C12orf56: variants seen among roughly 807,000 people sequenced by gnomAD.
C12orf56 encodes the protein uncharacterized protein C12orf56.
C12orf56 carries 71 observed loss-of-function variants against 69.9 expected under a neutral mutation model. The ratio of observed to expected loss-of-function variants is 1.02; its 90% CI spans 0.84 to 1.24. The LOEUF is 1.24. Ranked by LOEUF, C12orf56 falls within the 50% of genes most tolerant of loss-of-function variation. The pLI is 0.00. For synonymous variants in C12orf56, 276 were observed against 274.1 expected (o/e 1.01, Z -0.07); for missense variants, 732 against 738.5 (o/e 0.99, Z 0.10).
chr12:64,324,944 A>G (rs1040125253), intron 3 of C12orf56, among the ~76,000 whole-genome samples: 2 of 152,138 alleles, frequency 1.3e-5, no homozygotes, highest in African/African-American at 2.4e-5. Context: ...TAGGCCAGCA[A>G]TTCTCAAACC....
chr12:64,380,207 C>T (rs530643917), intron 1 of C12orf56, among the ~76,000 whole-genome samples: 8 of 148,828 alleles, frequency 5.4e-5, no homozygotes, highest in Non-Finnish European at 8.9e-5. Context: ...CACAAAGAAG[C>T]GTGTAGAGAG....
chr12:64,367,005 TTA>T (rs1322025956), intron 1 of C12orf56, among the ~76,000 whole-genome samples: 1 of 71,660 alleles, frequency 1.4e-5, no homozygotes, highest in Admixed American at 2.6e-4. Flanking sequence ...ACTTTATATA[TTA>T]TATATAACAT....
chr12:64,359,958 G>T (rs557474966), intron 1 of C12orf56, among the ~76,000 whole-genome samples: 2 of 151,760 alleles, frequency 1.3e-5, no homozygotes, highest in African/African-American at 2.4e-5. Context: ...TAAGTGATCC[G>T]CCCACCTTGG....
intron 5 of C12orf56, among the ~76,000 whole-genome samples, chr12:64,306,661 T>C (rs942634139): frequency 3.9e-5 from 6 of 152,114 alleles, no homozygotes; most frequent in African/African-American, 1.4e-4. Context: ...GAGCCACTAC[T>C]CCCAGCCGCA....
intron 1 of C12orf56, among the ~76,000 whole-genome samples, chr12:64,353,933 G>A (rs138022134): frequency 5.3e-5 from 8 of 152,198 alleles, no homozygotes; most frequent in African/African-American, 1.2e-4. Context: ...CACCTGCCTC[G>A]GCCTCCCAAA....
Position 64,312,728 on chromosome 12 carries a change from A to G in C12orf56, c.919T>C (p.Phe307Leu). 1 of 1,536,652 alleles carries G rather than the reference A, an allele frequency of 6.5e-7. No individual in the cohort carries two copies. The highest frequency in any genetic ancestry group is 8.7e-7 in the Non-Finnish European group (1 of 1,146,404). The change falls in exon 5 of 13, where the codon TTC (phenylalanine) becomes CTC (leucine). Residue 307 changes from phenylalanine to leucine, a missense_variant. Coordinates refer to ENST00000543942, the MANE Select transcript of C12orf56 (RefSeq NM_001170633.2). ...IIKATLLQDP[F>L]YASEFSPAIG... ...GCAGGACTGAACTCACTAGCATAGA[A>G]GGGATCTTGTAAAAGAGTAGCTTTC... is the stretch of plus-strand genomic sequence containing the variant.
chr12:64,353,034 A>T lies in C12orf56; in HGVS notation c.275T>A (p.Leu92Ter), dbSNP rs1284126733. Residue 92 changes from leucine (L) to a stop codon, truncating the protein, a stop_gained, in exon 2 of 13, where the codon TTG (leucine) becomes TAG (stop). Coordinates refer to ENST00000543942, the MANE Select transcript of C12orf56 (RefSeq NM_001170633.2). LOFTEE classifies it high-confidence loss of function. ...GCTGATTTCTCTATCTGGCGAACTC[A>T]AAAATTCCGGGTAATCATCAATCTG... ...IDLIDDYPEF[L>*]SSPDREISQH... 1.2e-6 allele frequency: 2 copies of T among 1,610,938 alleles called. No individual in the cohort carries two copies. The highest frequency in any genetic ancestry group is 2.7e-5 in the African/African-American group (2 of 74,752).
chr12:64,324,180 T>A (rs1440479456), intron 3 of C12orf56, among the ~76,000 whole-genome samples: 1 of 152,170 alleles, frequency 6.6e-6, no homozygotes, highest in African/African-American at 2.4e-5. Flanking sequence ...GTAAAGAATA[T>A]GATTATTCAT....
chr12:64,365,858 T>C (rs1212297704), intron 1 of C12orf56, among the ~76,000 whole-genome samples: 1 of 137,858 alleles, frequency 7.3e-6, no homozygotes, highest in Non-Finnish European at 1.5e-5. Flanking sequence ...TTGTATTATA[T>C]ATAGTGTATA....
Position 64,287,748 on chromosome 12 carries a change from T to C in C12orf56, c.1114-1688A>G, listed in dbSNP as rs1366574840. On this transcript the variant is annotated intron_variant, in intron 6 of 12. Coordinates refer to ENST00000543942, the MANE Select transcript of C12orf56 (RefSeq NM_001170633.2). ...CACATTTTCTTAATCCAGTCTGTCA[T>C]TGTTGGACATTTGGGTTGGTTCCAA... Among the ~76,000 whole-genome samples, 15 of 14,596 alleles carry C rather than the reference T, an allele frequency of 1.0e-3. 5 individuals carry two copies. Among genetic ancestry groups the C allele is most frequent in the African/African-American group, 1.1e-3 (15 of 13,658 alleles). 9.6% of individuals were successfully genotyped at this position (14,596 alleles called of 152,430 possible).
rs762310618 is a variant in C12orf56, at chr12:64,378,271, A to C, written c.252+12043T>G. 1.1e-3 allele frequency among the ~76,000 whole-genome samples: 172 copies of C among 152,288 alleles called. 1 individual carries two copies. Among genetic ancestry groups the C allele is most frequent in the Non-Finnish European group, 1.9e-3 (127 of 68,016 alleles). ...GCAATGTGCCTGACTCTGGCTAATAAAATGTGAAAAGTGGCATGTATCAGT... is the reference window on the plus strand; with the variant it reads ...GCAATGTGCCTGACTCTGGCTAATACAATGTGAAAAGTGGCATGTATCAGT... On this transcript the variant is annotated intron_variant, in intron 1 of 12. Transcript: ENST00000543942.
rs187918333 is a variant in C12orf56 at position 64,385,022 on chromosome 12, C to G, written c.252+5292G>C. On this transcript the variant is annotated intron_variant, in intron 1 of 12. Transcript: ENST00000543942. The stretch of plus-strand genomic sequence containing the variant: ...TGAGCCCAGGTCTTGCCACCGCACT[C>G]CAGCCTGGGCAACAGAGCGAGACTC... Among the ~76,000 whole-genome samples, 59 of 150,832 alleles carry G rather than the reference C, an allele frequency of 3.9e-4. 1 individual carries two copies. In the East Asian group the frequency reaches 9.9e-3, roughly 25 times the overall value.
intron 5 of C12orf56, among the ~76,000 whole-genome samples, chr12:64,311,973 T>C (rs2038622759): frequency 6.6e-6 from 1 of 152,068 alleles, no homozygotes; most frequent in East Asian, 1.9e-4. Flanking sequence ...AAGAAGTGGA[T>C]GTTATCCAGA....
chr12:64,329,886 A>G (rs566123971), intron 3 of C12orf56, among the ~76,000 whole-genome samples: 6 of 151,750 alleles, frequency 4.0e-5, no homozygotes, highest in Admixed American at 2.6e-4. Context: ...ATAGTATTCC[A>G]TGGTGTATAT....
In C12orf56 at chr12:64,314,614, A is replaced by T. The variant is rs148578633; in HGVS notation, c.895-1862T>A. On this transcript the variant is annotated intron_variant, in intron 4 of 12. Transcript: ENST00000543942. ...AAGACAGGTCAGAAGGAATTTCTCA[A>T]ATGTTGTTGATTTGACACTGCAGAC... 2.3e-3 allele frequency among the ~76,000 whole-genome samples: 351 copies of T among 152,002 alleles called. 5 individuals carry two copies. Among genetic ancestry groups the T allele is most frequent in the Non-Finnish European group, 2.4e-4 (16 of 67,958 alleles).
chr12:64,275,484 C>T, intron 9 of C12orf56, 112 bp from the exon 10 acceptor site: 1 of 518,614 alleles, frequency 1.9e-6, no homozygotes, highest in East Asian at 3.5e-5. Context: ...TTTTTTGAGA[C>T]AAGGTCTCAT....
intron 8 of C12orf56, among the ~76,000 whole-genome samples, chr12:64,280,295 A>G (rs554960954): frequency 2.0e-5 from 3 of 152,354 alleles, no homozygotes; most frequent in South Asian, 4.1e-4. Context: ...TAGAGGATTG[A>G]CATCACAGCC....
intron 1 of C12orf56, among the ~76,000 whole-genome samples, chr12:64,385,423 T>C (rs1297731090): frequency 2.6e-5 from 4 of 152,232 alleles, no homozygotes; most frequent in Non-Finnish European, 5.9e-5. Flanking sequence ...AGGGCTTTTT[T>C]TCCCCTGAGA....
chr12:64,328,476 C>T (rs1428035837), intron 3 of C12orf56, among the ~76,000 whole-genome samples: 3 of 151,482 alleles, frequency 2.0e-5, no homozygotes, highest in South Asian at 2.1e-4. Context: ...GTCAGGAGTT[C>T]GAGACCTGCC....
Sources: gnomAD v4.1 joint callset for allele counts (sites outside exome capture counted in the v4.1 genomes callset) on GRCh38, gnomAD v4.1.1 for gene constraint, MANE v1.5 for transcripts, NCBI Gene and HGNC (gene_info 2026-07-23, HGNC 2026-07-21) for gene names.